Variants in P2RX4 observed in about 807,000 individuals in gnomAD.
P2RX4 encodes P2X purinoceptor 4.
In P2RX4, 37 loss-of-function variants were observed where a neutral mutation model predicts 48.0. The observed-to-expected ratio is 0.77, with a 90% CI of 0.59 to 1.01. The LOEUF is 1.01. Among genes scored for constraint, P2RX4 ranks in the 50% least tolerant of loss-of-function variants. P2RX4 has a pLI of 0.00. For synonymous variants in P2RX4, 200 were observed against 199.7 expected, an observed-to-expected ratio of 1.00 and a Z score of -0.01; for missense variants, 501 against 521.4, an observed-to-expected ratio of 0.96 and a Z score of 0.38.
At chr12:121,210,428 G>C in intron 1 of P2RX4, 130 bp downstream of exon 1, 1 of 925,572 alleles carries the variant, frequency 1.1e-6, no homozygotes, top group South Asian at 4.1e-5. Flanking sequence ...CACCTTCCCT[G>C]GGCCCCAGCC....
intron 2 of P2RX4, 100 bp from the exon 3 acceptor site, chr12:121,221,813 C>T (rs1886629178): frequency 8.7e-6 from 8 of 914,964 alleles, no homozygotes; most frequent in South Asian, 4.0e-5. Flanking sequence ...GGAGAGCACG[C>T]GGTCAGTGTT....
chr12:121,232,652 C>T lies in P2RX4; in HGVS notation c.1020C>T (p.Gly340=). ...TCATCCCCACTATGATCAACATCGG[C>T]TCTGGCCTGGCACTGCTAGGCATGG... ...FDIIPTMINI[G]SGLALLGMAT... The change falls in exon 10 of 12, where the codon GGC becomes GGT. Residue 340 remains glycine (G), a synonymous_variant. Transcript: ENST00000337233. This position sits in a 1 kb window ranked among gnomAD's most constrained non-coding sequence, Gnocchi z 4.3. 4 of 1,613,994 alleles carry T rather than the reference C, an allele frequency of 2.5e-6. No individual in the cohort carries two copies. Among genetic ancestry groups the T allele is most frequent in the Non-Finnish European group, 3.4e-6 (4 of 1,179,862 alleles).
At position 121,210,330 on chromosome 12, in the gene P2RX4, G is replaced by A. The variant is rs752857766; in HGVS notation, c.134+32G>A. 2.0e-6 allele frequency: 3 copies of A among 1,481,672 alleles called. No homozygotes were observed. In the South Asian group the frequency reaches 3.9e-5, roughly 19 times the overall value. 91.8% of individuals were successfully genotyped at this position (1,481,672 alleles called of 1,614,324 possible). ...GTGGGGCCGCGCGGGGGGCGCGGCG[G>A]GTGCTGCCCTCGCGTCCGCGCCGTG... On this transcript the variant is annotated intron_variant, in intron 1 of 11. Coordinates refer to ENST00000337233, the MANE Select transcript of P2RX4 (RefSeq NM_002560.3).
At chr12:121,219,416 C>T (rs1168632286) in intron 2 of P2RX4, among the ~76,000 whole-genome samples, 2 of 152,158 alleles carry the variant, frequency 1.3e-5, no homozygotes, top group Non-Finnish European at 2.9e-5. Flanking sequence ...ATGCTAAAAG[C>T]TTTGGGCATC....
chr12:121,222,569 C>A, intron 4 of P2RX4: 1 of 458,678 alleles, frequency 2.2e-6, no homozygotes, highest in South Asian at 1.7e-5. Context: ...TGCACCACCA[C>A]GCCCAGCTAA....
In P2RX4 at chr12:121,210,134, G is replaced by C. The variant is rs1885702799; in HGVS notation, c.-31G>C. ...CCGAGCGGGGACTGGGACCCAGACC[G>C]ACTAGGGGACTGGGAGCGGGCGGCG... On this transcript the variant is annotated 5_prime_UTR_variant, in exon 1 of 12. Coordinates refer to ENST00000337233, the MANE Select transcript of P2RX4 (RefSeq NM_002560.3). 2 of 1,504,286 alleles carry C rather than the reference G, an allele frequency of 1.3e-6. No individual in the cohort carries two copies. The highest frequency in any genetic ancestry group is 1.8e-6 in the Non-Finnish European group (2 of 1,133,398). The allele number at this position is 1,504,286 out of a possible 1,614,324, so 93.2% of individuals were successfully genotyped here.
At chr12:121,228,647 G>A in intron 6 of P2RX4, 34 bp downstream of exon 6, 2 of 1,611,614 alleles carry the variant, frequency 1.2e-6, no homozygotes, top group South Asian at 1.1e-5. Flanking sequence ...GTTCACCAGG[G>A]TCTTGGAGAA....
At position 121,232,845 on chromosome 12, in the gene P2RX4, C is replaced by A. The variant is rs1887459003; in HGVS notation, c.1045-152C>A. ...TCCCACCTTCCCTTCTCCAAGACCA[C>A]CCCCCTCAGGTCCCAGCCTTCTCCC... On this transcript the variant is annotated intron_variant, in intron 10 of 11. Coordinates refer to ENST00000337233, the MANE Select transcript of P2RX4 (RefSeq NM_002560.3). The surrounding 1 kb of genome is among the most constrained non-coding windows in gnomAD (Gnocchi z 4.3). 3.5e-6 allele frequency: 3 copies of A among 853,526 alleles called. No homozygotes were observed. The highest frequency in any genetic ancestry group is 2.7e-5 in the South Asian group (2 of 74,954). 52.9% of individuals were successfully genotyped at this position (853,526 alleles called of 1,614,324 possible).
rs540281911 is a variant in P2RX4, at chr12:121,225,153, A to G, written c.524+2110A>G. ...AGTGGCGTGATCTTGGCTCACCACA[A>G]CCTCTGCCTCCCGGGTTCAAGTGAT... On this transcript the variant is annotated intron_variant, in intron 5 of 11. Transcript: ENST00000337233. 1.3e-3 allele frequency among the ~76,000 whole-genome samples: 201 copies of G among 149,666 alleles called. 1 individual carries two copies. The highest frequency in any genetic ancestry group is 3.8e-3 in the South Asian group (18 of 4,718).
At position 121,228,871 on chromosome 12, in the gene P2RX4, G is replaced by T. The variant is rs751303225; in HGVS notation, c.747+5G>T. 2.5e-6 allele frequency: 4 copies of T among 1,614,014 alleles called. No individual in the cohort carries two copies. Among genetic ancestry groups the T allele is most frequent in the Non-Finnish European group, 3.4e-6 (4 of 1,180,046 alleles). On this transcript the variant is annotated splice_donor_5th_base_variant and intron_variant, in intron 7 of 11. Coordinates refer to ENST00000337233, the MANE Select transcript of P2RX4 (RefSeq NM_002560.3). The stretch of plus-strand genomic sequence containing the variant: ...TTCCAGGACATGGCCGTGGAGGTGG[G>T]TGCGGGCCCTGGCTCTCCTGACCCA...
At chr12:121,216,772 A>G (rs1886249775) in intron 1 of P2RX4, 4 of 558,090 alleles carry the variant, frequency 7.2e-6, no homozygotes, top group Non-Finnish European at 1.3e-5. Context: ...GTGAGCCAAG[A>G]TCACACCATT....
intron 5 of P2RX4, chr12:121,223,553 G>A (rs1294749121): frequency 5.7e-6 from 1 of 176,718 alleles, no homozygotes; most frequent in East Asian, 1.5e-4. Context: ...TCAGTGGCAA[G>A]ATGGGCCACA....
In P2RX4 at chr12:121,229,905, C is replaced by G. The variant is rs1388900262; in HGVS notation, c.884+806C>G. 6.6e-6 allele frequency among the ~76,000 whole-genome samples: 1 copy of G among 152,102 alleles called. No individual in the cohort carries two copies. The highest frequency in any genetic ancestry group is 2.4e-5 in the African/African-American group (1 of 41,402). On this transcript the variant is annotated intron_variant, in intron 8 of 11. Transcript: ENST00000337233. The surrounding 1 kb of genome is among the most constrained non-coding windows in gnomAD (Gnocchi z 4.6). ...ATCAGTCACTGAATTTAGGGCCCAC[C>G]CTACTCTAGTATGACCTCATCTTAA...
rs1241743458 is a variant in P2RX4, at chr12:121,228,878, C to G, written c.747+12C>G. The G allele has an allele frequency of 3.1e-6, 5 of 1,613,980 alleles. No homozygotes were observed. The East Asian group carries it at 1.1e-4, about 36-fold the overall frequency. Reference sequence around the variant, plus strand: ...ACATGGCCGTGGAGGTGGGTGCGGGCCCTGGCTCTCCTGACCCAGCCCTGG... The same window carrying G: ...ACATGGCCGTGGAGGTGGGTGCGGGGCCTGGCTCTCCTGACCCAGCCCTGG... On this transcript the variant is annotated intron_variant, in intron 7 of 11. Coordinates refer to ENST00000337233, the MANE Select transcript of P2RX4 (RefSeq NM_002560.3).
At chr12:121,222,259 C>T in intron 4 of P2RX4, 93 bp downstream of exon 4, 1 of 919,798 alleles carries the variant, frequency 1.1e-6, no homozygotes, top group African/African-American at 1.6e-5. Context: ...CCAATTCCTT[C>T]ACATGACCCT....
At position 121,233,731 on chromosome 12, in the gene P2RX4, G is replaced by T; in HGVS notation, c.*182G>T. On this transcript the variant is annotated 3_prime_UTR_variant, in exon 12 of 12. Coordinates refer to ENST00000337233, the MANE Select transcript of P2RX4 (RefSeq NM_002560.3). ...GTGTGCAGGATCTGTTTGCCCACTC[G>T]GCCCAGGAGGTCAGCAGTCTGTTCT... 1 of 1,413,598 alleles carries T rather than the reference G, an allele frequency of 7.1e-7. No homozygotes were observed. Among genetic ancestry groups the T allele is most frequent in the Non-Finnish European group, 9.4e-7 (1 of 1,059,824 alleles). 87.6% of individuals were successfully genotyped at this position (1,413,598 alleles called of 1,614,324 possible). A position where few individuals can be genotyped will look rare whatever the true frequency, so the allele number is the denominator to read the frequency against.
chr12:121,228,638 T>C, intron 6 of P2RX4, 25 bp downstream of exon 6: 1 of 1,611,428 alleles, frequency 6.2e-7, no homozygotes, highest in Non-Finnish European at 8.5e-7. Flanking sequence ...GGTGTGTGAG[T>C]TCACCAGGGT....
intron 8 of P2RX4, among the ~76,000 whole-genome samples, chr12:121,231,407 C>T (rs1887350001): frequency 6.6e-6 from 1 of 152,196 alleles, no homozygotes; most frequent in African/African-American, 2.4e-5. Context: ...TCACCACAGT[C>T]GATTTTAGAA....
chr12:121,227,686 C>T (rs991119387), intron 5 of P2RX4, among the ~76,000 whole-genome samples: 3 of 152,144 alleles, frequency 2.0e-5, no homozygotes, highest in Admixed American at 1.3e-4. Flanking sequence ...GGCTCAGTGT[C>T]TTCTCTTGGA....
Sources: gnomAD v4.1 joint callset for allele counts (sites outside exome capture counted in the v4.1 genomes callset) on GRCh38, gnomAD v4.1.1 for gene constraint, Gnocchi (gnomAD v3.1) non-coding constraint, MANE v1.5 for transcripts, NCBI Gene and HGNC (gene_info 2026-07-23, HGNC 2026-07-21) for gene names.